Variants in LRRC45 observed in about 807,000 individuals in gnomAD.
LRRC45 encodes leucine-rich repeat-containing protein 45.
A neutral mutation model predicts 85.4 loss-of-function variants in LRRC45; 73 were observed. The observed-to-expected ratio is 0.85, with a 90% CI of 0.71 to 1.04. LRRC45 has a LOEUF of 1.04. Among genes scored for constraint, LRRC45 ranks in the 50% least tolerant of loss-of-function variants. The probability of loss-of-function intolerance (pLI) is 0.00; values close to 1 mark genes in which losing one functional copy is unlikely to be tolerated. For missense variants in LRRC45, 937 were observed against 883.3 expected (o/e 1.06, Z -0.77); for synonymous variants, 429 against 386.0 (o/e 1.11, Z -1.31).
In LRRC45 at chr17:82,031,127, T is replaced by TA. The variant is rs907194772; in HGVS notation, c.*323dup. The TA allele has an allele frequency of 3.2e-6, 1 of 313,494 alleles. No individual in the cohort carries two copies. Among genetic ancestry groups the TA allele is most frequent in the African/African-American group, 2.1e-5 (1 of 46,630 alleles). The allele number at this position is 313,494 out of a possible 1,614,324, so 19.4% of individuals were successfully genotyped here. A position where few individuals can be genotyped will look rare whatever the true frequency, so the allele number is the denominator to read the frequency against. The stretch of plus-strand genomic sequence containing the variant: ...GCCTGCGCGCGGCGGGGTTTGGAAA[T>TA]ACAGCGCGTTTGCACTTTGTGATAC... On this transcript the variant is annotated 3_prime_UTR_variant, in exon 17 of 17. Transcript: ENST00000306688.
At chr17:82,026,599 T>TGA (rs1555644856) in intron 5 of LRRC45, among the ~76,000 whole-genome samples, 7 of 150,986 alleles carry the variant, frequency 4.6e-5, no homozygotes, top group African/African-American at 1.5e-4. Context: ...TGTGTGTGTG[T>TGA]GACTGAGTTT....
chr17:82,029,247 C>G, intron 13 of LRRC45, 62 bp downstream of exon 13: 1 of 1,500,092 alleles, frequency 6.7e-7, no homozygotes, highest in Non-Finnish European at 9.0e-7. Flanking sequence ...AGGCAGGGGC[C>G]CCTGGTGTTC....
At position 82,025,455 on chromosome 17, in the gene LRRC45, G is replaced by A. The variant is rs1173573507; in HGVS notation, c.609G>A (p.Trp203Ter). The part of the protein sequence containing the change: ...MNCLPSNRTL[W>*]RLDLAGNNIP... Reference sequence around the variant, plus strand: ...GTCTCCCCAGCAACAGAACCCTGTGGAGACTGGACCTGGCTGGGAACAACA... The same window carrying A: ...GTCTCCCCAGCAACAGAACCCTGTGAAGACTGGACCTGGCTGGGAACAACA... Residue 203 changes from tryptophan to a stop codon, truncating the protein, a stop_gained, in exon 5 of 17, where the codon TGG (tryptophan) becomes TGA (stop). Coordinates refer to ENST00000306688, the MANE Select transcript of LRRC45 (RefSeq NM_144999.4). LOFTEE classifies it high-confidence loss of function. 4 of 1,610,214 alleles carry A rather than the reference G, an allele frequency of 2.5e-6. No individual in the cohort carries two copies. The highest frequency in any genetic ancestry group is 1.3e-5 in the African/African-American group (1 of 75,044).
intron 2 of LRRC45, 144 bp downstream of exon 2, chr17:82,024,483 CCT>C (rs1314276142): frequency 9.4e-7 from 1 of 1,058,536 alleles, no homozygotes; most frequent in African/African-American, 1.6e-5. Context: ...CTGATGGCCT[CCT>C]GTGTGTGACC....
intron 5 of LRRC45, among the ~76,000 whole-genome samples, 161 bp downstream of exon 5, chr17:82,025,668 A>G (rs941090760): frequency 6.6e-6 from 1 of 152,170 alleles, no homozygotes; most frequent in Admixed American, 6.5e-5. Flanking sequence ...CCTGTTTGGC[A>G]CTTGAATGGC....
chr17:82,027,618 G>A lies in LRRC45; in HGVS notation c.834-56G>A, dbSNP rs1251232734. On this transcript the variant is annotated intron_variant, in intron 7 of 16. Transcript: ENST00000306688. ...AGCAGCAGCTACCGAGGCCAGAGGG[G>A]TATGGGAGCGCTCTGGGGTTTGGGT... 3.2e-6 allele frequency: 5 copies of A among 1,566,274 alleles called. No individual in the cohort carries two copies. In the Admixed American group the frequency reaches 8.7e-5, roughly 27 times the overall value.
At chr17:82,029,662 C>CG (rs2043400207) in intron 14 of LRRC45, 27 bp downstream of exon 14, 2 of 1,549,480 alleles carry the variant, frequency 1.3e-6, no homozygotes, top group Admixed American at 1.9e-5. Flanking sequence ...CGCCACCCTC[C>CG]GGGGGAGCCA....
chr17:82,025,559 T>A (rs1192304249), intron 5 of LRRC45, 52 bp downstream of exon 5: 4 of 1,469,924 alleles, frequency 2.7e-6, no homozygotes, highest in Non-Finnish European at 3.6e-6. Flanking sequence ...CAGAGGCCTG[T>A]CCACCGAGGG....
At chr17:82,024,874 A>G in intron 3 of LRRC45, 111 bp downstream of exon 3, 1 of 1,441,116 alleles carries the variant, frequency 6.9e-7, no homozygotes, top group East Asian at 2.5e-5. Flanking sequence ...CATGTTTCAC[A>G]TACGTTGGCA....
In LRRC45 at chr17:82,028,302, G is replaced by A; in HGVS notation, c.1116G>A (p.Leu372=). The A allele has an allele frequency of 1.3e-6, 2 of 1,592,838 alleles. No individual in the cohort carries two copies. Among genetic ancestry groups the A allele is most frequent in the Non-Finnish European group, 8.5e-7 (1 of 1,170,464 alleles). ...CTGCCAATGAAAAGAACCTGCTTCT[G>A]CAAAACCAGGTAGCTGTGGTGGATG... The part of the protein sequence containing the change: ...LSAANEKNLL[L]QNQVDELERK... The change falls in exon 10 of 17, where the codon CTG becomes CTA. Residue 372 remains leucine, a synonymous_variant. Transcript: ENST00000306688.
rs2043332746 is a variant in LRRC45, at chr17:82,023,530, G to C, written c.-114G>C. 4 of 936,906 alleles carry C rather than the reference G, an allele frequency of 4.3e-6. No homozygotes were observed. The highest frequency in any genetic ancestry group is 3.6e-5 in the South Asian group (2 of 55,322). The allele number at this position is 936,906 out of a possible 1,614,324, so 58.0% of individuals were successfully genotyped here. On this transcript the variant is annotated 5_prime_UTR_variant, in exon 1 of 17. Transcript: ENST00000306688. ...AGCCCACTCGGATTGCTCTCCGCCC[G>C]GGTCGGCGGAGGCCCCGTCTCCTGT...
chr17:82,029,301 T>C (rs963926132), intron 13 of LRRC45, 116 bp downstream of exon 13: 2 of 1,098,688 alleles, frequency 1.8e-6, no homozygotes, highest in Admixed American at 2.5e-5. Context: ...CAGAGGCTCA[T>C]AGGCCCCACC....
chr17:82,028,263 C>G lies in LRRC45; in HGVS notation c.1077C>G (p.Leu359=), dbSNP rs780375635. 2 of 1,580,474 alleles carry G rather than the reference C, an allele frequency of 1.3e-6. No homozygotes were observed. Among genetic ancestry groups the G allele is most frequent in the Admixed American group, 1.8e-5 (1 of 54,276 alleles). ...QEAAERESKL[L]RDLSAANEKN... is the part of the protein sequence containing the mutation. ...CTGCAGAGCGGGAGTCTAAACTCCT[C>G]AGAGACTTGTCTGCTGCCAATGAAA... The change falls in exon 10 of 17, where the codon CTC becomes CTG. Residue 359 remains leucine, a synonymous_variant. Transcript: ENST00000306688.
chr17:82,028,616 G>A lies in LRRC45; in HGVS notation c.1241G>A (p.Arg414His), dbSNP rs778842295. The change falls in exon 12 of 17, where the codon CGC becomes CAC. Residue 414 changes from arginine to histidine, a missense_variant. Coordinates refer to ENST00000306688, the MANE Select transcript of LRRC45 (RefSeq NM_144999.4). ...TCTGCCCACCCTGGGCTTCCAGAGC[G>A]CCTGGACATGGAGAAGAGAAGATGC... is the stretch of plus-strand genomic sequence containing the variant. ...LKMRAIQAEE[R>H]LDMEKRRCRQ... The A allele has an allele frequency of 2.7e-5, 43 of 1,612,754 alleles. No individual in the cohort carries two copies. Among genetic ancestry groups the A allele is most frequent in the South Asian group, 2.4e-4 (22 of 91,082 alleles).
intron 15 of LRRC45, 35 bp from the exon 16 acceptor site, chr17:82,030,284 C>T: frequency 6.5e-7 from 1 of 1,542,966 alleles, no homozygotes; most frequent in Non-Finnish European, 8.8e-7. Context: ...TAGCCCCCAA[C>T]CCTCGCCTCA....
chr17:82,027,355 C>T, intron 6 of LRRC45, 31 bp from the exon 7 acceptor site: 1 of 1,612,044 alleles, frequency 6.2e-7, no homozygotes, highest in Non-Finnish European at 8.5e-7. Context: ...TGCAGGTGCC[C>T]TGACAGGGCT....
chr17:82,023,571 TG>T lies in LRRC45; in HGVS notation c.-72del. 1 of 1,351,452 alleles carries T rather than the reference TG, an allele frequency of 7.4e-7. No homozygotes were observed. Among genetic ancestry groups the T allele is most frequent in the Non-Finnish European group, 9.8e-7 (1 of 1,020,832 alleles). The allele number at this position is 1,351,452 out of a possible 1,614,324, so 83.7% of individuals were successfully genotyped here. A position where few individuals can be genotyped will look rare whatever the true frequency, so the allele number is the denominator to read the frequency against. ...CGTCTCCTGTACCCGGCGCTGGGAC[TG>T]CTCCGCACCGCGCGGCTCCCTTTCA... On this transcript the variant is annotated 5_prime_UTR_variant, in exon 1 of 17. Coordinates refer to ENST00000306688, the MANE Select transcript of LRRC45 (RefSeq NM_144999.4).
In LRRC45 at chr17:82,028,062, C is replaced by G. The variant is rs750101555; in HGVS notation, c.963C>G (p.Asp321Glu). 6.2e-7 allele frequency: 1 copy of G among 1,602,614 alleles called. No individual in the cohort carries two copies. Residue 321 changes from aspartate (D) to glutamate (E), a missense_variant, in exon 9 of 17, where the codon GAC becomes GAG. Physicochemically the swap from Asp to Glu is conservative, Grantham distance 45. Coordinates refer to ENST00000306688, the MANE Select transcript of LRRC45 (RefSeq NM_144999.4). ...ALALSEQKAQ[D>E]LGELLATAEQ... Reference sequence around the variant, plus strand: ...CTCTGTCGGAGCAGAAGGCCCAGGACCTGGGGGAGCTCCTGGCCACAGCGG... The same window carrying G: ...CTCTGTCGGAGCAGAAGGCCCAGGAGCTGGGGGAGCTCCTGGCCACAGCGG...
chr17:82,024,047 T>A, intron 1 of LRRC45, 184 bp downstream of exon 1: 1 of 712,136 alleles, frequency 1.4e-6, no homozygotes, highest in Non-Finnish European at 2.3e-6. Flanking sequence ...GGAGAGGCCT[T>A]AACATTCGCG....
Sources: allele counts gnomAD v4.1 joint callset (sites outside exome capture counted in the v4.1 genomes callset), GRCh38; gene constraint gnomAD v4.1.1; transcripts MANE v1.5; gene names NCBI Gene and HGNC (gene_info 2026-07-23, HGNC 2026-07-21).